PLCL2: variants seen among roughly 807,000 people sequenced by gnomAD.
PLCL2 encodes the protein phospholipase C like 2, also known as inactive phospholipase C-like protein 2.
Under a neutral mutation model 79.6 loss-of-function variants are expected in PLCL2, and 4 were observed. The ratio of observed to expected loss-of-function variants is 0.05; its 90% CI spans 0.02 to 0.11. The LOEUF is 0.11. Ranked by LOEUF, PLCL2 falls within the 10% of genes least tolerant of loss-of-function variation. The probability of loss-of-function intolerance (pLI) is 1.00; values close to 1 mark genes in which losing one functional copy is unlikely to be tolerated. For synonymous variants in PLCL2, 484 were observed against 457.7 expected, an observed-to-expected ratio of 1.06 and a Z score of -0.73; for missense variants, 895 against 1,291.0, an observed-to-expected ratio of 0.69 and a Z score of 4.70.
chr3:16,963,634 A>AC (rs1271686390), intron 1 of PLCL2, among the ~76,000 whole-genome samples: 12 of 152,132 alleles, frequency 7.9e-5, no homozygotes, highest in Non-Finnish European at 1.3e-4. Context: ...ATCTTATTTA[A>AC]CCCCCAGCAT....
intron 1 of PLCL2, among the ~76,000 whole-genome samples, chr3:16,986,700 GC>G (rs955022595): frequency 4.6e-5 from 7 of 152,046 alleles, no homozygotes; most frequent in African/African-American, 1.7e-4. Context: ...ATCTCACCTG[GC>G]CCCCTAGGGG....
intron 5 of PLCL2, among the ~76,000 whole-genome samples, chr3:17,085,941 T>C (rs1559293384): frequency 6.6e-6 from 1 of 152,236 alleles, no homozygotes; most frequent in Non-Finnish European, 1.5e-5. Flanking sequence ...AGATATTCCA[T>C]ATTCATGGAT....
intron 1 of PLCL2, among the ~76,000 whole-genome samples, chr3:16,953,911 A>C (rs903264694): frequency 1.3e-5 from 2 of 152,166 alleles, no homozygotes; most frequent in Non-Finnish European, 2.9e-5. Flanking sequence ...AAATATTTCA[A>C]TTTTGAGTTG....
intron 5 of PLCL2, among the ~76,000 whole-genome samples, chr3:17,089,373 TAA>T (rs1181332702): frequency 1.3e-5 from 2 of 152,004 alleles, no homozygotes; most frequent in East Asian, 3.9e-4. Flanking sequence ...TATTTCAAAA[TAA>T]AAAGTTTTTT....
chr3:17,065,030 T>G (rs1168306218), intron 4 of PLCL2, among the ~76,000 whole-genome samples: 1 of 152,120 alleles, frequency 6.6e-6, no homozygotes, highest in Admixed American at 6.5e-5. Context: ...TCTCAGTCAC[T>G]TTTTTGGATT....
Position 17,055,597 on chromosome 3 carries a change from G to A in PLCL2, c.3095-12359G>A, listed in dbSNP as rs578070693. ...AGGATTCCCACATCAACTTTCACAC[G>A]AATGTTATTTTTCATACGTGTGATC... is the stretch of plus-strand genomic sequence containing the variant. On this transcript the variant is annotated intron_variant, in intron 4 of 5. Coordinates refer to ENST00000615277, the MANE Select transcript of PLCL2 (RefSeq NM_001144382.2). 4.6e-5 allele frequency among the ~76,000 whole-genome samples: 7 copies of A among 152,246 alleles called. No individual in the cohort carries two copies. The East Asian group carries it at 7.7e-4, about 17-fold the overall frequency.
intron 1 of PLCL2, among the ~76,000 whole-genome samples, chr3:16,965,883 C>G (rs952083315): frequency 8.5e-5 from 13 of 152,078 alleles, no homozygotes; most frequent in African/African-American, 3.1e-4. Context: ...TATCCTGAGA[C>G]TTTGCTGAAG....
rs2064300488 is a variant in PLCL2, at chr3:17,009,760, T to C, written c.414T>C (p.Asp138=). The C allele has an allele frequency of 6.2e-7, 1 of 1,613,692 alleles. No individual in the cohort carries two copies. Among genetic ancestry groups the C allele is most frequent in the African/African-American group, 1.3e-5 (1 of 74,928 alleles). ...AGAAGAAGATCAGCAGTGCAAGTGA[T>C]TGTATTAATTCAATGGTTGAGGGTT... ...PTEKKISSAS[D]CINSMVEGSE... Residue 138 remains aspartate, a synonymous_variant, in exon 2 of 6, where the codon GAT becomes GAC. Transcript: ENST00000615277. This position sits in a 1 kb window ranked among gnomAD's most constrained non-coding sequence, Gnocchi z 4.0.
intron 1 of PLCL2, among the ~76,000 whole-genome samples, chr3:16,962,567 G>T (rs1190140835): frequency 1.3e-5 from 2 of 152,016 alleles, no homozygotes; most frequent in Non-Finnish European, 2.9e-5. Context: ...TATACTCATT[G>T]ATATTTTCAT....
At chr3:17,062,042 C>T (rs1196867936) in intron 4 of PLCL2, among the ~76,000 whole-genome samples, 2 of 152,118 alleles carry the variant, frequency 1.3e-5, no homozygotes, top group Admixed American at 1.3e-4. Context: ...ACTGCTTTTC[C>T]CTAGGAACAG....
At chr3:16,963,626 C>A (rs1230833876) in intron 1 of PLCL2, among the ~76,000 whole-genome samples, 3 of 152,086 alleles carry the variant, frequency 2.0e-5, no homozygotes, top group South Asian at 4.1e-4. Flanking sequence ...AGAGAGCAAT[C>A]TTATTTAACC....
At chr3:16,977,790 A>T (rs879331461) in intron 1 of PLCL2, among the ~76,000 whole-genome samples, 1 of 152,162 alleles carries the variant, frequency 6.6e-6, no homozygotes, top group South Asian at 2.1e-4. Context: ...GCTTATAAAC[A>T]ATGAAAATTT....
At chr3:17,063,248 T>C (rs112246781) in intron 4 of PLCL2, among the ~76,000 whole-genome samples, 94 of 1,124 alleles carry the variant, frequency 0.084, 1 homozygote, top group African/African-American at 0.1. Context: ...CTCCCTGCCT[T>C]CCTCCCTTCC....
intron 3 of PLCL2, among the ~76,000 whole-genome samples, chr3:17,021,695 G>A (rs1344152634): frequency 6.6e-6 from 1 of 152,038 alleles, no homozygotes; most frequent in Non-Finnish European, 1.5e-5. Flanking sequence ...CAGTCTGCTT[G>A]AAAGAGACTT....
intron 1 of PLCL2, among the ~76,000 whole-genome samples, chr3:16,903,889 C>T (rs1459149661): frequency 6.6e-6 from 1 of 152,224 alleles, no homozygotes; most frequent in Non-Finnish European, 1.5e-5. Flanking sequence ...GCAGACAGGT[C>T]CCTTCAGCCT....
intron 1 of PLCL2, among the ~76,000 whole-genome samples, chr3:16,957,724 G>GCAT (rs2063719676): frequency 6.6e-6 from 1 of 152,132 alleles, no homozygotes; most frequent in Non-Finnish European, 1.5e-5. Flanking sequence ...TGTATTGGGG[G>GCAT]CATATATATT....
chr3:16,940,305 C>G (rs1334853985), intron 1 of PLCL2, among the ~76,000 whole-genome samples: 2 of 152,214 alleles, frequency 1.3e-5, no homozygotes, highest in Non-Finnish European at 1.5e-5. Flanking sequence ...CCCTTTCTTT[C>G]TCTTGTTTAG....
At chr3:17,055,475 G>A (rs948550661) in intron 4 of PLCL2, among the ~76,000 whole-genome samples, 6 of 152,060 alleles carry the variant, frequency 3.9e-5, no homozygotes, top group African/African-American at 1.2e-4. Flanking sequence ...TCTAGAAACC[G>A]CTGTCTCACC....
chr3:16,906,638 C>A (rs921380954), intron 1 of PLCL2, among the ~76,000 whole-genome samples: 1 of 151,970 alleles, frequency 6.6e-6, no homozygotes, highest in Non-Finnish European at 1.5e-5. Flanking sequence ...AGCATTCTTT[C>A]CAGTTTATTT....
Sources: allele counts gnomAD v4.1 joint callset (sites outside exome capture counted in the v4.1 genomes callset), GRCh38; gene constraint gnomAD v4.1.1; non-coding constraint Gnocchi (gnomAD v3.1); transcripts MANE v1.5; gene names NCBI Gene and HGNC (gene_info 2026-07-23, HGNC 2026-07-21).